CARMIL3: variants seen among roughly 807,000 people sequenced by gnomAD.
The protein encoded by CARMIL3 is capping protein, Arp2/3 and myosin-I linker protein 3.
In CARMIL3, 88 loss-of-function variants were observed where a neutral mutation model predicts 180.8. The observed-to-expected ratio is 0.49, with a 90% CI of 0.41 to 0.58. The LOEUF is 0.58. Among genes scored for constraint, CARMIL3 ranks in the 20% least tolerant of loss-of-function variants. CARMIL3 has a pLI of 0.00. For synonymous variants in CARMIL3, 696 were observed against 714.5 expected, an observed-to-expected ratio of 0.97 and a Z score of 0.41; for missense variants, 1,548 against 1,787.0, an observed-to-expected ratio of 0.87 and a Z score of 2.41.
In CARMIL3 at chr14:24,068,871, GGGA is replaced by G; in HGVS notation, c.3893_3895del (p.Glu1298del). The G allele has an allele frequency of 6.2e-7, 1 of 1,612,368 alleles. No individual in the cohort carries two copies. On this transcript the variant is annotated inframe_deletion, in exon 38 of 40. Transcript: ENST00000342740. ...CAGCCTCCCCAGGAGCCAGGGGTCA[GGGA>G]GGAGGCTGAGGCTGGAGATGCAGCT...
In CARMIL3 at chr14:24,061,294, G is replaced by A. The variant is rs2035730763; in HGVS notation, c.2305-203G>A. On this transcript the variant is annotated intron_variant, in intron 26 of 39. Coordinates refer to ENST00000342740, the MANE Select transcript of CARMIL3 (RefSeq NM_138360.4). This position sits in a 1 kb window ranked among gnomAD's most constrained non-coding sequence, Gnocchi z 4.1. ...TTGGATCCTTGGACTGACTGCCCCT[G>A]TCTGTATGGTAGGGTGGAAGGAGCA... 1 of 639,720 alleles carries A rather than the reference G, an allele frequency of 1.6e-6. No individual in the cohort carries two copies. The highest frequency in any genetic ancestry group is 2.7e-6 in the Non-Finnish European group (1 of 373,558). The allele number at this position is 639,720 out of a possible 1,614,324, so 39.6% of individuals were successfully genotyped here. A position where few individuals can be genotyped will look rare whatever the true frequency, so the allele number is the denominator to read the frequency against.
At position 24,054,589 on chromosome 14, in the gene CARMIL3, G is replaced by C; in HGVS notation, c.362+78G>C. On this transcript the variant is annotated intron_variant, in intron 5 of 39. Coordinates refer to ENST00000342740, the MANE Select transcript of CARMIL3 (RefSeq NM_138360.4). This position sits in a 1 kb window ranked among gnomAD's most constrained non-coding sequence, Gnocchi z 5.1. ...TCCCTTCCTCCTTCCCCTGGGCCAG[G>C]GCTGAGAAGGAGAGCTCTCATGTCC... 1 of 1,522,984 alleles carries C rather than the reference G, an allele frequency of 6.6e-7. No individual in the cohort carries two copies. The highest frequency in any genetic ancestry group is 2.3e-5 in the East Asian group (1 of 43,468). The allele number at this position is 1,522,984 out of a possible 1,614,324, so 94.3% of individuals were successfully genotyped here. A position where few individuals can be genotyped will look rare whatever the true frequency, so the allele number is the denominator to read the frequency against.
Position 24,052,122 on chromosome 14 carries a change from C to A in CARMIL3, c.-32C>A. 1 of 1,549,912 alleles carries A rather than the reference C, an allele frequency of 6.5e-7. No homozygotes were observed. On this transcript the variant is annotated 5_prime_UTR_variant, in exon 1 of 40. Transcript: ENST00000342740. The stretch of plus-strand genomic sequence containing the variant: ...CGGCTCCCCGGCGGCGGCGGCGGCT[C>A]CTCTGCAGCAGCCTCAGCAGCAGCG...
rs35809913 is a variant in CARMIL3 at position 24,053,702 on chromosome 14, C to T, written c.41-7C>T. The T allele has an allele frequency of 1.4e-5, 22 of 1,603,636 alleles. No individual in the cohort carries two copies. Among genetic ancestry groups the T allele is most frequent in the Admixed American group, 5.1e-5 (3 of 59,272 alleles). On this transcript the variant is annotated splice_region_variant and splice_polypyrimidine_tract_variant and intron_variant, in intron 1 of 39. Coordinates refer to ENST00000342740, the MANE Select transcript of CARMIL3 (RefSeq NM_138360.4). ...GAAGCTCTGAGCAGGCTCCCACCCC[C>T]CCTCAGACAGCATCCGGAGGTGCCT...
Position 24,059,475 on chromosome 14 carries a change from G to GC in CARMIL3, c.1799+37dup, listed in dbSNP as rs1023923490. On this transcript the variant is annotated intron_variant, in intron 21 of 39. Coordinates refer to ENST00000342740, the MANE Select transcript of CARMIL3 (RefSeq NM_138360.4). The surrounding 1 kb of genome is among the most constrained non-coding windows in gnomAD (Gnocchi z 6.3). ...CCACACCGGGACCCCCTGACCTGGA[G>GC]CCCCAGCCCCTCCCCATATGTACAT... is the stretch of plus-strand genomic sequence containing the variant. 6 of 1,549,856 alleles carry GC rather than the reference G, an allele frequency of 3.9e-6. No individual in the cohort carries two copies. The highest frequency in any genetic ancestry group is 5.2e-6 in the Non-Finnish European group (6 of 1,145,888).
At chr14:24,055,018 T>C (rs767927451) in intron 6 of CARMIL3, 48 bp from the exon 7 acceptor site, 1 of 1,595,366 alleles carries the variant, frequency 6.3e-7, no homozygotes, top group East Asian at 2.2e-5. Context: ...CCAAGCCTAT[T>C]CCCCATCTCC....
rs894801469 is a variant in CARMIL3 at position 24,063,472 on chromosome 14, A to G, written c.2918A>G (p.His973Arg). The change falls in exon 31 of 40, where the codon CAT becomes CGT. Residue 973 changes from histidine to arginine, a missense_variant. His to Arg is a conservative substitution (Grantham distance 29). This residue lies in a region of CARMIL3 where 668 missense variants were observed against 687.8 expected (regional missense o/e 0.97). Coordinates refer to ENST00000342740, the MANE Select transcript of CARMIL3 (RefSeq NM_138360.4). ...CCCACTCATGGTTACAAACTAAGGC[A>G]TCAAACACAAGGGAGGCCCCGCCCC... is the stretch of plus-strand genomic sequence containing the variant. ...ELPTHGYKLRHQTQGRPRPPR... is the reference protein window; with the variant it reads ...ELPTHGYKLRRQTQGRPRPPR... 1 of 1,613,726 alleles carries G rather than the reference A, an allele frequency of 6.2e-7. No individual in the cohort carries two copies. Among genetic ancestry groups the G allele is most frequent in the African/African-American group, 1.3e-5 (1 of 74,920 alleles).
At chr14:24,053,853 C>G (rs773240882) in intron 2 of CARMIL3, 50 bp downstream of exon 2, 3 of 1,520,612 alleles carry the variant, frequency 2.0e-6, no homozygotes, top group Non-Finnish European at 2.7e-6. Context: ...GCAAGGGCAG[C>G]TGGCCAGTAG....
In CARMIL3 at chr14:24,064,255, C is replaced by G. The variant is rs543166585; in HGVS notation, c.2989C>G (p.Pro997Ala). 1 of 1,611,856 alleles carries G rather than the reference C, an allele frequency of 6.2e-7. No homozygotes were observed. The highest frequency in any genetic ancestry group is 1.1e-5 in the South Asian group (1 of 90,464). Residue 997 changes from proline (P) to alanine (A), a missense_variant, in exon 32 of 40, where the codon CCT becomes GCT. Physicochemically the swap from Pro to Ala is conservative, Grantham distance 27 (BLOSUM62 -1). Coordinates refer to ENST00000342740, the MANE Select transcript of CARMIL3 (RefSeq NM_138360.4). The stretch of plus-strand genomic sequence containing the variant: ...ACTTTCCTCCCAGCAGATGCCAGCA[C>G]CTGGGACTCGTCAGGAGAATGGGAT... ...PGPGRPSMPA[P>A]GTRQENGMAT...
chr14:24,060,529 C>T, intron 24 of CARMIL3, 99 bp from the exon 25 acceptor site: 2 of 1,518,254 alleles, frequency 1.3e-6, no homozygotes, highest in Non-Finnish European at 8.9e-7. Context: ...ATCACCTCCA[C>T]CACTGTCGGT....
At chr14:24,065,380 C>G in intron 33 of CARMIL3, 107 bp downstream of exon 33, 1 of 1,194,700 alleles carries the variant, frequency 8.4e-7, no homozygotes, top group East Asian at 2.7e-5. Flanking sequence ...ACCCAGGGTT[C>G]TTGGGAACAT....
In CARMIL3 at chr14:24,058,691, G is replaced by T; in HGVS notation, c.1404G>T (p.Ala468=). ...LDLSSCELRS[A]GAQALQEQLG... ...CCTTGTCCCTGCAGCTCCGTTCAGCGGGAGCCCAAGCCTTGCAGGAGCAGC... is the reference window on the plus strand; with the variant it reads ...CCTTGTCCCTGCAGCTCCGTTCAGCTGGAGCCCAAGCCTTGCAGGAGCAGC... The change falls in exon 18 of 40, where the codon GCG becomes GCT. Residue 468 remains alanine, a synonymous_variant. Transcript: ENST00000342740. This position sits in a 1 kb window ranked among gnomAD's most constrained non-coding sequence, Gnocchi z 6.4. The T allele has an allele frequency of 6.2e-7, 1 of 1,614,010 alleles. No homozygotes were observed. Among genetic ancestry groups the T allele is most frequent in the Non-Finnish European group, 8.5e-7 (1 of 1,179,996 alleles).
intron 35 of CARMIL3, 25 bp downstream of exon 35, chr14:24,066,489 C>T: frequency 6.2e-7 from 1 of 1,614,008 alleles, no homozygotes; most frequent in South Asian, 1.1e-5. Flanking sequence ...ATTCAAAGCC[C>T]TTTTGGACCC....
Position 24,065,047 on chromosome 14 carries a change from A to G in CARMIL3, c.3170A>G (p.His1057Arg). ...LQKKRRRGLF[H>R]FRRPRSFKGD... ...AAGAAGAGGCGCCGGGGCCTGTTTC[A>G]CTTTCGCCGGCCCCGGAGCTTCAAG... The change falls in exon 33 of 40, where the codon CAC becomes CGC. Residue 1057 changes from histidine (H) to arginine (R), a missense_variant. By Grantham distance (29) the His-to-Arg change is conservative. Coordinates refer to ENST00000342740, the MANE Select transcript of CARMIL3 (RefSeq NM_138360.4). The G allele has an allele frequency of 1.2e-6, 2 of 1,607,290 alleles. No individual in the cohort carries two copies. The highest frequency in any genetic ancestry group is 1.7e-6 in the Non-Finnish European group (2 of 1,177,996).
At chr14:24,062,925 GA>G in intron 29 of CARMIL3, 79 bp downstream of exon 29, 5 of 1,552,508 alleles carry the variant, frequency 3.2e-6, no homozygotes, top group Non-Finnish European at 4.4e-6. Flanking sequence ...CCCTTCCACT[GA>G]TCTGTACTCC....
intron 33 of CARMIL3, 63 bp from the exon 34 acceptor site, chr14:24,065,559 C>A: frequency 6.5e-7 from 1 of 1,542,912 alleles, no homozygotes; most frequent in South Asian, 1.3e-5. Flanking sequence ...CTGACAACTC[C>A]CTCACAGCCT....
chr14:24,059,500 T>C lies in CARMIL3; in HGVS notation c.1799+58T>C. ...GCCCCAGCCCCTCCCCATATGTACA[T>C]AATCTCCCTGCTTTCCTTGATGCTC... is the stretch of plus-strand genomic sequence containing the variant. On this transcript the variant is annotated intron_variant, in intron 21 of 39. Coordinates refer to ENST00000342740, the MANE Select transcript of CARMIL3 (RefSeq NM_138360.4). The surrounding 1 kb of genome is among the most constrained non-coding windows in gnomAD (Gnocchi z 6.3). 6.6e-7 allele frequency: 1 copy of C among 1,525,222 alleles called. No individual in the cohort carries two copies. 94.5% of individuals were successfully genotyped at this position (1,525,222 alleles called of 1,614,324 possible). A position where few individuals can be genotyped will look rare whatever the true frequency, so the allele number is the denominator to read the frequency against.
Position 24,059,283 on chromosome 14 carries a change from T to C in CARMIL3, c.1640T>C (p.Leu547Pro). The C allele has an allele frequency of 1.2e-6, 2 of 1,613,916 alleles. No homozygotes were observed. Among genetic ancestry groups the C allele is most frequent in the Non-Finnish European group, 1.7e-6 (2 of 1,179,998 alleles). Residue 547 changes from leucine (L) to proline (P), a missense_variant, in exon 21 of 40, where the codon CTG (leucine) becomes CCG (proline). This residue lies in a region of CARMIL3 where 297 missense variants were observed against 415.9 expected (regional missense o/e 0.71). Transcript: ENST00000342740. This position sits in a 1 kb window ranked among gnomAD's most constrained non-coding sequence, Gnocchi z 6.3. ...IQEEDCSLQSLSVADSRLKLR... is the reference protein window; with the variant it reads ...IQEEDCSLQSPSVADSRLKLR... The stretch of plus-strand genomic sequence containing the variant: ...TTGCCCACACAGTCCCTGCAGTCAC[T>C]GTCGGTGGCAGACTCCCGGCTGAAG...
At chr14:24,060,884 G>A in intron 25 of CARMIL3, 43 bp from the exon 26 acceptor site, 2 of 1,545,252 alleles carry the variant, frequency 1.3e-6, no homozygotes, top group Non-Finnish European at 1.8e-6. Context: ...GACCTAGCAA[G>A]TCCTGGTTCT....
Sources: allele counts gnomAD v4.1 joint callset, GRCh38; gene constraint gnomAD v4.1.1; regional missense constraint gnomAD v4.1.1; non-coding constraint Gnocchi (gnomAD v3.1); transcripts MANE v1.5; gene names NCBI Gene and HGNC (gene_info 2026-07-23, HGNC 2026-07-21).